ELMO1: variants seen among roughly 807,000 people sequenced by gnomAD.
ELMO1 encodes engulfment and cell motility 1.
ELMO1 carries 26 observed loss-of-function variants against 98.9 expected under a neutral mutation model. That is an observed-to-expected ratio of 0.26 (90% CI 0.19 to 0.36). ELMO1 has a LOEUF of 0.36. ELMO1 is among the 10% of genes least tolerant of loss of function. ELMO1 has a pLI of 1.00. For synonymous variants in ELMO1, 346 were observed against 346.0 expected (o/e 1.00, Z 0.00); for missense variants, 627 against 935.2 (o/e 0.67, Z 4.30).
intron 16 of ELMO1, among the ~76,000 whole-genome samples, chr7:36,906,819 T>C (rs1783999290): frequency 6.6e-6 from 1 of 151,866 alleles, no homozygotes. Context: ...TGTAAACAAA[T>C]TATAAGAGTA....
chr7:37,254,454 TTC>T (rs1335654663), intron 6 of ELMO1, among the ~76,000 whole-genome samples: 5 of 152,220 alleles, frequency 3.3e-5, no homozygotes, highest in Non-Finnish European at 7.3e-5. Flanking sequence ...CATTAGGTGA[TTC>T]TGTTGTGTGA....
chr7:37,414,243 G>A (rs1455014286), intron 1 of ELMO1, among the ~76,000 whole-genome samples: 2 of 149,738 alleles, frequency 1.3e-5, no homozygotes, highest in African/African-American at 4.8e-5. Flanking sequence ...CAGGTCTGTG[G>A]GATTGGTAAT....
intron 16 of ELMO1, among the ~76,000 whole-genome samples, chr7:36,990,798 G>GT (rs1189321529): frequency 2.6e-5 from 4 of 152,038 alleles, no homozygotes; most frequent in Admixed American, 2.0e-4. Flanking sequence ...CGGTATACAT[G>GT]TATTTTTGAA....
intron 14 of ELMO1, among the ~76,000 whole-genome samples, chr7:37,101,352 C>A (rs1292026931): frequency 1.3e-5 from 2 of 152,156 alleles, no homozygotes; most frequent in African/African-American, 4.8e-5. Context: ...AAGTGAGTTA[C>A]AGAGAAACGC....
chr7:36,906,585 G>A (rs1200654914), intron 16 of ELMO1, among the ~76,000 whole-genome samples: 1 of 152,110 alleles, frequency 6.6e-6, no homozygotes, highest in Non-Finnish European at 1.5e-5. Context: ...GGAGGTGCTG[G>A]GAGCAGAGAG....
intron 13 of ELMO1, among the ~76,000 whole-genome samples, chr7:37,147,046 T>C (rs1788032967): frequency 6.6e-6 from 1 of 151,720 alleles, no homozygotes; most frequent in Non-Finnish European, 1.5e-5. Context: ...ACTAGGAATA[T>C]GGGGTCCATT....
At chr7:36,929,701 A>G (rs1785872689) in intron 16 of ELMO1, among the ~76,000 whole-genome samples, 1 of 152,204 alleles carries the variant, frequency 6.6e-6, no homozygotes, top group African/African-American at 2.4e-5. Flanking sequence ...TCACTGTAAC[A>G]CCACAATGTG....
At chr7:37,403,321 G>A (rs1803610548) in intron 1 of ELMO1, among the ~76,000 whole-genome samples, 1 of 152,108 alleles carries the variant, frequency 6.6e-6, no homozygotes, top group Non-Finnish European at 1.5e-5. Flanking sequence ...ACTTTGAGAG[G>A]GTGAGGTAGG....
rs534675396 is a variant in ELMO1, at chr7:37,021,665, T to C, written c.1301-8230A>G. Among the ~76,000 whole-genome samples, 42 of 148,644 alleles carry C rather than the reference T, an allele frequency of 2.8e-4. 1 individual carries two copies. The South Asian group carries it at 8.3e-3, about 29-fold the overall frequency. ...TTCCTCCAGGCCTCTATATCCCCAT[T>C]AAAAAAAAAGAAAAGAAAAGAAAAA... On this transcript the variant is annotated intron_variant, in intron 15 of 21. Transcript: ENST00000310758.
At chr7:37,322,706 G>C (rs1000946476) in intron 2 of ELMO1, among the ~76,000 whole-genome samples, 7 of 151,962 alleles carry the variant, frequency 4.6e-5, no homozygotes, top group Non-Finnish European at 7.4e-5. Flanking sequence ...GGGAGGCTGA[G>C]GTGGGAGGAC....
intron 7 of ELMO1, among the ~76,000 whole-genome samples, chr7:37,237,421 C>T (rs1794533027): frequency 6.6e-6 from 1 of 152,126 alleles, no homozygotes; most frequent in Non-Finnish European, 1.5e-5. Context: ...TCCCAAGTAG[C>T]TGGGATTACA....
intron 16 of ELMO1, among the ~76,000 whole-genome samples, chr7:36,915,347 T>C (rs1343040466): frequency 2.0e-5 from 3 of 152,240 alleles, no homozygotes; most frequent in Non-Finnish European, 4.4e-5. Flanking sequence ...ATATGCATAT[T>C]TGAAACAAAA....
intron 16 of ELMO1, among the ~76,000 whole-genome samples, chr7:37,007,394 C>T (rs766811165): frequency 2.2e-4 from 33 of 152,198 alleles, no homozygotes; most frequent in Non-Finnish European, 3.2e-4. Flanking sequence ...ACGCTGAGTC[C>T]TCCCAGCTTC....
At chr7:37,009,711 C>T (rs1793413542) in intron 16 of ELMO1, among the ~76,000 whole-genome samples, 1 of 152,188 alleles carries the variant, frequency 6.6e-6, no homozygotes, top group South Asian at 2.1e-4. Flanking sequence ...AATAAACCCA[C>T]CTTCCATGCT....
intron 16 of ELMO1, among the ~76,000 whole-genome samples, chr7:36,996,338 G>A (rs149457973): frequency 1.3e-5 from 2 of 152,154 alleles, no homozygotes; most frequent in East Asian, 3.9e-4. Flanking sequence ...CTTATCAGCT[G>A]ATTTAAAAAT....
intron 4 of ELMO1, among the ~76,000 whole-genome samples, chr7:37,287,956 T>A (rs1418994894): frequency 6.6e-6 from 1 of 152,148 alleles, no homozygotes; most frequent in East Asian, 1.9e-4. Context: ...TCACCTTTTT[T>A]TTGTTTATTT....
chr7:37,068,668 G>A (rs936045181), intron 15 of ELMO1, among the ~76,000 whole-genome samples: 26 of 152,236 alleles, frequency 1.7e-4, no homozygotes, highest in Non-Finnish European at 3.1e-4. Flanking sequence ...GAGAACTACA[G>A]TTGGTTCATT....
At position 37,417,191 on chromosome 7, in the gene ELMO1, A is replaced by G. The variant is rs1804254331; in HGVS notation, c.-74+31484T>C. Among the ~76,000 whole-genome samples the G allele has an allele frequency of 2.0e-5, 3 of 152,204 alleles. No individual in the cohort carries two copies. The South Asian group carries it at 6.2e-4, about 31-fold the overall frequency. ...ACTGGACCAGAGGCAGCTGTTATGC[A>G]TGGAAAGGCGTCCCCTGAGAAAGAC... On this transcript the variant is annotated intron_variant, in intron 1 of 21. Coordinates refer to ENST00000310758, the MANE Select transcript of ELMO1 (RefSeq NM_014800.11).
At chr7:37,321,634 G>A (rs1457048084) in intron 2 of ELMO1, among the ~76,000 whole-genome samples, 7 of 146,042 alleles carry the variant, frequency 4.8e-5, no homozygotes, top group Non-Finnish European at 1.0e-4. Context: ...GGAGAATGGC[G>A]TGAACTCGGG....
Sources: gnomAD v4.1 joint callset for allele counts (sites outside exome capture counted in the v4.1 genomes callset) on GRCh38, gnomAD v4.1.1 for gene constraint, MANE v1.5 for transcripts, NCBI Gene and HGNC (gene_info 2026-07-23, HGNC 2026-07-21) for gene names.